The following FGFR3 variants were observed in gnomAD, a reference collection of about 807,000 sequenced individuals.
The protein encoded by FGFR3 is fibroblast growth factor receptor 3.
Under a neutral mutation model 82.9 loss-of-function variants are expected in FGFR3, and 25 were observed. The observed-to-expected ratio is 0.30, with a 90% CI of 0.22 to 0.42. FGFR3 has a LOEUF of 0.42. FGFR3 is among the 10% of genes least tolerant of loss of function. The pLI is 1.00. For missense variants in FGFR3, 1,026 were observed against 1,161.0 expected (o/e 0.88, Z 1.69); for synonymous variants, 620 against 516.0 (o/e 1.20, Z -2.73).
Position 1,803,913 on chromosome 4 carries a change from C to G in FGFR3, c.1075+77C>G. On this transcript the variant is annotated intron_variant, in intron 8 of 17. Transcript: ENST00000440486. ...TCGGGACACGCCAAAGCTGCCAGGA[C>G]GGACGGGAATCCTGTGACTTACGGC... 1.4e-6 allele frequency: 2 copies of G among 1,461,092 alleles called. 1 individual carries two copies. The highest frequency in any genetic ancestry group is 2.3e-5 in the South Asian group (2 of 87,908). The allele number at this position is 1,461,092 out of a possible 1,614,324, so 90.5% of individuals were successfully genotyped here. A position where few individuals can be genotyped will look rare whatever the true frequency, so the allele number is the denominator to read the frequency against.
Position 1,805,442 on chromosome 4 carries a change from C to T in FGFR3, c.1500C>T (p.Ala500=), listed in dbSNP as rs1413677932. The T allele has an allele frequency of 2.5e-6, 4 of 1,611,788 alleles. No homozygotes were observed. Among genetic ancestry groups the T allele is most frequent in the Non-Finnish European group, 1.7e-6 (2 of 1,179,274 alleles). The change falls in exon 11 of 18, where the codon GCC becomes GCT. Residue 500 remains alanine, a synonymous_variant. Transcript: ENST00000440486. ...TCGGCATTGACAAGGACCGGGCCGCCAAGCCTGTCACCGTAGCCGTGAAGA... is the reference window on the plus strand; with the variant it reads ...TCGGCATTGACAAGGACCGGGCCGCTAAGCCTGTCACCGTAGCCGTGAAGA... ...EAIGIDKDRA[A]KPVTVAVKML...
chr4:1,798,378 C>T lies in FGFR3; in HGVS notation c.110-876C>T, dbSNP rs3135862. Among the ~76,000 whole-genome samples the T allele has an allele frequency of 1.1e-4, 16 of 152,168 alleles. No individual in the cohort carries two copies. The East Asian group carries it at 2.1e-3, about 20-fold the overall frequency. On this transcript the variant is annotated intron_variant, in intron 2 of 17. Transcript: ENST00000440486. The stretch of plus-strand genomic sequence containing the variant: ...CCCCCCGGCCCCCTTGAGGGCCCGC[C>T]TGGGCCTCCCCACTCCCCGGCCTGT...
At chr4:1,803,632 CTG>C (rs901013765) in intron 7 of FGFR3, 58 bp from the exon 8 acceptor site, 24 of 1,590,246 alleles carry the variant, frequency 1.5e-5, no homozygotes, top group Admixed American at 1.4e-4. Context: ...CGTGTGGACT[CTG>C]TGCGGTGCCC....
chr4:1,807,661 C>T lies in FGFR3; in HGVS notation c.*399C>T, dbSNP rs757777764. 3.2e-6 allele frequency: 2 copies of T among 627,216 alleles called. No homozygotes were observed. The highest frequency in any genetic ancestry group is 1.8e-5 in the Admixed American group (1 of 54,702). The allele number at this position is 627,216 out of a possible 1,614,324, so 38.9% of individuals were successfully genotyped here. A position where few individuals can be genotyped will look rare whatever the true frequency, so the allele number is the denominator to read the frequency against. The stretch of plus-strand genomic sequence containing the variant: ...CACCACGGGACATCACAGGGTGGGC[C>T]TCGGCCCCTCCCACACCCAAAGCTG... On this transcript the variant is annotated 3_prime_UTR_variant, in exon 18 of 18. Transcript: ENST00000440486.
chr4:1,805,264 C>G (rs1353276637), intron 10 of FGFR3, 91 bp from the exon 11 acceptor site: 13 of 1,586,834 alleles, frequency 8.2e-6, no homozygotes, highest in Non-Finnish European at 1.1e-5. Context: ...GGCTCTGGGC[C>G]TCAAGGGCTG....
At chr4:1,806,798 C>CGG in intron 16 of FGFR3, 31 bp from the exon 17 acceptor site, 1 of 1,585,518 alleles carries the variant, frequency 6.3e-7, no homozygotes. Context: ...CGGGAAGCGG[C>CGG]GGGGCTCACT....
Position 1,807,505 on chromosome 4 carries a change from C to G in FGFR3, c.*243C>G. The G allele has an allele frequency of 1.4e-6, 1 of 722,062 alleles. No homozygotes were observed. 44.7% of individuals were successfully genotyped at this position (722,062 alleles called of 1,614,324 possible). ...TGTCCCCGCTGCTGTGCAACGGTCT[C>G]CTGACTGGTGCTGCAGCACCGAGGG... On this transcript the variant is annotated 3_prime_UTR_variant, in exon 18 of 18. Coordinates refer to ENST00000440486, the MANE Select transcript of FGFR3 (RefSeq NM_000142.5).
intron 7 of FGFR3, among the ~76,000 whole-genome samples, chr4:1,802,293 G>A (rs894131105): frequency 6.6e-6 from 1 of 152,366 alleles, no homozygotes; most frequent in African/African-American, 2.4e-5. Flanking sequence ...GCTTCTTGGG[G>A]GTGGGTGCGG....
rs2108818426 is a variant in FGFR3, at chr4:1,807,230, GC to G, written c.2393del (p.Pro798HisfsTer22). 1 of 1,607,512 alleles carries G rather than the reference GC, an allele frequency of 6.2e-7. No individual in the cohort carries two copies. The highest frequency in any genetic ancestry group is 1.1e-5 in the South Asian group (1 of 90,098). ...SVFAHDLLPPAPPSSGGSRT is the reference protein window; with the variant it reads ...SVFAHDLLPPXPPSSGGSRT ...GTTTGCCCACGACCTGCTGCCCCCG[GC>G]CCCACCCAGCAGTGGGGGCTCGCGG... On this transcript the variant is annotated frameshift_variant, in exon 18 of 18. Coordinates refer to ENST00000440486, the MANE Select transcript of FGFR3 (RefSeq NM_000142.5). LOFTEE classifies it high-confidence loss of function.
intron 2 of FGFR3, among the ~76,000 whole-genome samples, chr4:1,798,349 T>TC (rs1374097147): frequency 6.6e-6 from 1 of 151,934 alleles, no homozygotes; most frequent in East Asian, 2.0e-4. Flanking sequence ...GCAGCAGGAC[T>TC]CCACCCCCCG....
intron 10 of FGFR3, 150 bp from the exon 11 acceptor site, chr4:1,805,205 C>A: frequency 1.4e-6 from 2 of 1,450,384 alleles, no homozygotes; most frequent in Non-Finnish European, 1.9e-6. Flanking sequence ...CACTCTTCGT[C>A]CTTACGAGCA....
intron 2 of FGFR3, among the ~76,000 whole-genome samples, chr4:1,794,459 G>A (rs986255395): frequency 1.3e-5 from 2 of 152,142 alleles, no homozygotes; most frequent in African/African-American, 4.8e-5. Context: ...CTTCGGCCAA[G>A]GCGAGAGACC....
At position 1,801,863 on chromosome 4, in the gene FGFR3, G is replaced by T. The variant is rs587778354; in HGVS notation, c.768G>T (p.Gln256His). 6.2e-7 allele frequency: 1 copy of T among 1,608,566 alleles called. No homozygotes were observed. The highest frequency in any genetic ancestry group is 8.5e-7 in the Non-Finnish European group (1 of 1,177,384). Residue 256 changes from glutamine to histidine, a missense_variant, in exon 7 of 18, where the codon CAG becomes CAT. Gln to His is a conservative substitution (Grantham distance 24). Coordinates refer to ENST00000440486, the MANE Select transcript of FGFR3 (RefSeq NM_000142.5). ...GCTCCCCGCACCGGCCCATCCTGCA[G>T]GCGGGGCTGCCGGCCAACCAGACGG... ...LERSPHRPILQAGLPANQTAV... is the reference protein window; with the variant it reads ...LERSPHRPILHAGLPANQTAV...
At chr4:1,798,847 C>A (rs1451620232) in intron 2 of FGFR3, among the ~76,000 whole-genome samples, 2 of 152,204 alleles carry the variant, frequency 1.3e-5, no homozygotes, top group Non-Finnish European at 2.9e-5. Context: ...GCAGCACCTG[C>A]CCGTCGTGGT....
Position 1,806,870 on chromosome 4 carries a change from A to C in FGFR3, c.2210A>C (p.Gln737Pro), listed in dbSNP as rs536212792. The change falls in exon 17 of 18, where the codon CAG (glutamine) becomes CCG (proline). Residue 737 changes from glutamine to proline, a missense_variant. Transcript: ENST00000440486. Reference sequence around the variant, plus strand: ...GAGTGCTGGCATGCCGCGCCCTCCCAGAGGCCCACCTTCAAGCAGCTGGTG... The same window carrying C: ...GAGTGCTGGCATGCCGCGCCCTCCCCGAGGCCCACCTTCAAGCAGCTGGTG... ...MRECWHAAPS[Q>P]RPTFKQLVED... 3 of 1,611,694 alleles carry C rather than the reference A, an allele frequency of 1.9e-6. No individual in the cohort carries two copies. The East Asian group carries it at 6.7e-5, about 36-fold the overall frequency.
intron 4 of FGFR3, 141 bp downstream of exon 4, chr4:1,799,953 A>T: frequency 1.1e-6 from 1 of 908,746 alleles, no homozygotes; most frequent in South Asian, 1.7e-5. Context: ...TCCCCTCAGG[A>T]TACAGGAGGG....
At position 1,806,794 on chromosome 4, in the gene FGFR3, G is replaced by A. The variant is rs199766966; in HGVS notation, c.2169-35G>A. ...AGGCTGTTCCCGAATAAGGCGGGAA[G>A]CGGCGGGGCTCACTCCTGAGCGCCC... On this transcript the variant is annotated intron_variant, in intron 16 of 17. Coordinates refer to ENST00000440486, the MANE Select transcript of FGFR3 (RefSeq NM_000142.5). 2.8e-4 allele frequency: 442 copies of A among 1,582,360 alleles called. 2 individuals carry two copies. The Middle Eastern group carries it at 4.3e-3, about 15-fold the overall frequency.
intron 16 of FGFR3, 60 bp from the exon 17 acceptor site, chr4:1,806,769 A>G (rs2108813504): frequency 1.3e-6 from 2 of 1,593,686 alleles, no homozygotes; most frequent in Non-Finnish European, 1.7e-6. Context: ...GCAGCCCTTC[A>G]GGCTGTTCCC....
intron 3 of FGFR3, 85 bp downstream of exon 3, chr4:1,799,608 GTC>G (rs1720951821): frequency 6.5e-7 from 1 of 1,549,494 alleles, no homozygotes; most frequent in Non-Finnish European, 8.7e-7. Flanking sequence ...GCGGCTGGGG[GTC>G]TCTCTGGTCA....
Sources: gnomAD v4.1 joint callset for allele counts (sites outside exome capture counted in the v4.1 genomes callset) on GRCh38, gnomAD v4.1.1 for gene constraint, MANE v1.5 for transcripts, NCBI Gene and HGNC (gene_info 2026-07-23, HGNC 2026-07-21) for gene names.